USP4: variants seen among roughly 807,000 people sequenced by gnomAD.
USP4 encodes ubiquitin carboxyl-terminal hydrolase 4.
A neutral mutation model predicts 118.2 loss-of-function variants in USP4; 72 were observed. That is an observed-to-expected ratio of 0.61 (90% CI 0.50 to 0.74). USP4 has a LOEUF of 0.74. Among genes scored for constraint, USP4 ranks in the 30% least tolerant of loss-of-function variants. The pLI is 0.00. For synonymous variants in USP4, 415 were observed against 440.4 expected (o/e 0.94, Z 0.72); for missense variants, 1,037 against 1,185.7 (o/e 0.87, Z 1.84).
rs2107788290 is a variant in USP4 at position 49,311,612 on chromosome 3, T to C, written c.738A>G (p.Lys246=). 5 of 1,613,836 alleles carry C rather than the reference T, an allele frequency of 3.1e-6. No individual in the cohort carries two copies. The East Asian group carries it at 1.1e-4, about 36-fold the overall frequency. Residue 246 remains lysine, a synonymous_variant, in exon 7 of 22, where the codon AAA becomes AAG. Coordinates refer to ENST00000265560, the MANE Select transcript of USP4 (RefSeq NM_003363.4). ...CTGAGGAATAGGGACTTGCTGATGATTTTGGAGAGGTAGTAAAATTTCTGC... is the reference window on the plus strand; with the variant it reads ...CTGAGGAATAGGGACTTGCTGATGACTTTGGAGAGGTAGTAAAATTTCTGC... ...APSRNFTTSP[K]SSASPYSSVS... is the part of the protein sequence containing the mutation.
At chr3:49,339,825 A>C (rs2047718643) in intron 1 of USP4, 99 bp downstream of exon 1, 9 of 960,512 alleles carry the variant, frequency 9.4e-6, no homozygotes, top group Non-Finnish European at 1.4e-5. Flanking sequence ...GGGTCACTAC[A>C]TACCATCCCC....
At chr3:49,287,530 T>C (rs980551088) in intron 15 of USP4, among the ~76,000 whole-genome samples, 1 of 151,950 alleles carries the variant, frequency 6.6e-6, no homozygotes. Flanking sequence ...TAGAGTACAT[T>C]GGTGCAATCT....
intron 15 of USP4, among the ~76,000 whole-genome samples, chr3:49,292,030 A>T (rs772185725): frequency 5.9e-5 from 9 of 152,158 alleles, no homozygotes; most frequent in Middle Eastern, 3.4e-3. Context: ...AATGGTCTCG[A>T]TCTCCTGACC....
chr3:49,322,602 C>T (rs892043038), intron 6 of USP4, among the ~76,000 whole-genome samples: 3 of 152,084 alleles, frequency 2.0e-5, no homozygotes, highest in Non-Finnish European at 4.4e-5. Context: ...TGGCTCATGC[C>T]TGTAATCCAG....
rs775923654 is a variant in USP4, at chr3:49,298,616, A to G, written c.1532T>C (p.Leu511Pro). ...RPTQYRVTVP[L>P]MGAVSDLCEA... ...GCACAGGTCGGACACAGCCCCCATC[A>G]GCGGCACAGTCACACGGTACTGCAA... Residue 511 changes from leucine (L) to proline (P), a missense_variant, in exon 12 of 22, where the codon CTG becomes CCG. This residue lies in a region of USP4 where 522 missense variants were observed against 592.6 expected (regional missense o/e 0.88). Coordinates refer to ENST00000265560, the MANE Select transcript of USP4 (RefSeq NM_003363.4). The G allele has an allele frequency of 1.2e-6, 2 of 1,614,152 alleles. No homozygotes were observed. Among genetic ancestry groups the G allele is most frequent in the East Asian group, 2.2e-5 (1 of 44,886 alleles).
intron 20 of USP4, among the ~76,000 whole-genome samples, 172 bp downstream of exon 20, chr3:49,280,572 A>AG (rs2047011179): frequency 6.6e-6 from 1 of 151,992 alleles, no homozygotes; most frequent in Non-Finnish European, 1.5e-5. Context: ...AAAAAAAAAA[A>AG]AAAAAAGAAT....
At chr3:49,283,165 G>A (rs540149494) in intron 19 of USP4, among the ~76,000 whole-genome samples, 97 of 148,470 alleles carry the variant, frequency 6.5e-4, no homozygotes, top group Admixed American at 2.9e-3. Context: ...ACAGGTGTGC[G>A]CCACCACATC....
intron 13 of USP4, 76 bp from the exon 14 acceptor site, chr3:49,294,674 G>A: frequency 1.4e-6 from 2 of 1,420,070 alleles, no homozygotes; most frequent in Middle Eastern, 2.5e-4. Context: ...GAAGCTATGT[G>A]GTGGCCAGGG....
rs1313478889 is a variant in USP4 at position 49,311,556 on chromosome 3, C to T, written c.794G>A (p.Ser265Asn). ...VSASLIANGDSTSTCGMHSSG... is the reference protein window; with the variant it reads ...VSASLIANGDNTSTCGMHSSG... ...ACTGTGCATCCCACAGGTGCTAGTG[C>T]TATCACCATTTGCAATGAGAGAGGC... Residue 265 changes from serine to asparagine, a missense_variant, in exon 7 of 22, where the codon AGC (serine) becomes AAC (asparagine). By Grantham distance (46) the Ser-to-Asn change is conservative. Transcript: ENST00000265560. 1.2e-6 allele frequency: 2 copies of T among 1,613,958 alleles called. No homozygotes were observed. Among genetic ancestry groups the T allele is most frequent in the African/African-American group, 1.3e-5 (1 of 75,040 alleles).
intron 2 of USP4, 57 bp downstream of exon 2, chr3:49,335,412 T>A: frequency 6.2e-7 from 1 of 1,610,536 alleles, no homozygotes; most frequent in Non-Finnish European, 8.5e-7. Flanking sequence ...CAGATGCACA[T>A]AACATCAGGC....
At chr3:49,338,027 G>A (rs981712469) in intron 1 of USP4, among the ~76,000 whole-genome samples, 3 of 111,772 alleles carry the variant, frequency 2.7e-5, no homozygotes, top group African/African-American at 7.0e-5. Flanking sequence ...GCCTGGTGAT[G>A]CAGCGAGACT....
chr3:49,339,414 A>G (rs1172427790), intron 1 of USP4, among the ~76,000 whole-genome samples: 1 of 152,178 alleles, frequency 6.6e-6, no homozygotes, highest in Non-Finnish European at 1.5e-5. Context: ...TATTTTTGAC[A>G]CTTGCTACCA....
chr3:49,338,518 C>T (rs776336269), intron 1 of USP4, among the ~76,000 whole-genome samples: 4 of 151,570 alleles, frequency 2.6e-5, no homozygotes, highest in South Asian at 4.2e-4. Flanking sequence ...AAAAATTAGC[C>T]GGCCGTGGTG....
chr3:49,329,681 A>G (rs2047592661), intron 2 of USP4, among the ~76,000 whole-genome samples: 1 of 152,136 alleles, frequency 6.6e-6, no homozygotes, highest in South Asian at 2.1e-4. Context: ...GATTATAGGT[A>G]TAAGCCACTG....
At chr3:49,294,983 T>C (rs1295051534) in intron 13 of USP4, among the ~76,000 whole-genome samples, 1 of 152,160 alleles carries the variant, frequency 6.6e-6, no homozygotes, top group Admixed American at 6.6e-5. Flanking sequence ...ATCAAAGAGC[T>C]CATCTTTAAA....
intron 6 of USP4, chr3:49,317,163 G>A: frequency 6.9e-7 from 1 of 1,447,444 alleles, no homozygotes; most frequent in Non-Finnish European, 9.7e-7. Flanking sequence ...TCAGGACACT[G>A]AGCAAAGTCT....
intron 13 of USP4, among the ~76,000 whole-genome samples, chr3:49,295,299 A>AG (rs2047192406): frequency 6.7e-6 from 1 of 149,602 alleles, no homozygotes; most frequent in Non-Finnish European, 1.5e-5. Flanking sequence ...AAAAAAAAAA[A>AG]AAAAAAAAAA....
At chr3:49,307,625 G>C (rs2047332822) in intron 8 of USP4, among the ~76,000 whole-genome samples, 1 of 151,918 alleles carries the variant, frequency 6.6e-6, no homozygotes, top group Non-Finnish European at 1.5e-5. Context: ...ACCATTGCTG[G>C]TTTGCTTACC....
rs754791104 is a variant in USP4 at position 49,286,284 on chromosome 3, C to T, written c.2014G>A (p.Glu672Lys). 19 of 1,614,138 alleles carry T rather than the reference C, an allele frequency of 1.2e-5. No homozygotes were observed. Among genetic ancestry groups the T allele is most frequent in the Non-Finnish European group, 1.6e-5 (19 of 1,180,032 alleles). Residue 672 changes from glutamate to lysine, a missense_variant, in exon 16 of 22, where the codon GAG becomes AAG. Coordinates refer to ENST00000265560, the MANE Select transcript of USP4 (RefSeq NM_003363.4). ...CTGCCTTCTGTTTCTGAAAGCTGCT[C>T]TTTGCCTTCTTCCTGATGCTCCATT... ...EEMEHQEEGK[E>K]QLSETEGSGE...
Sources: gnomAD v4.1 joint callset for allele counts (sites outside exome capture counted in the v4.1 genomes callset) on GRCh38, gnomAD v4.1.1 for gene constraint, gnomAD v4.1.1 regional missense constraint, MANE v1.5 for transcripts, NCBI Gene and HGNC (gene_info 2026-07-23, HGNC 2026-07-21) for gene names.